The following SLA variants were observed in gnomAD, a reference collection of about 807,000 sequenced individuals.
SLA encodes the protein src-like-adapter.
A neutral mutation model predicts 30.3 loss-of-function variants in SLA; 16 were observed. That is an observed-to-expected ratio of 0.53 (90% CI 0.36 to 0.80). The LOEUF (loss-of-function observed/expected upper bound fraction) is 0.80, where lower values mean the gene tolerates loss of function less well. Ranked by LOEUF, SLA falls within the 30% of genes least tolerant of loss-of-function variation. The pLI, the probability that SLA is intolerant of heterozygous loss-of-function variation, is 0.01. For synonymous variants in SLA, 143 were observed against 137.8 expected (o/e 1.04, Z -0.26); for missense variants, 310 against 345.2 (o/e 0.90, Z 0.81).
chr8:133,066,106 G>A (rs1461626373), intron 2 of SLA, among the ~76,000 whole-genome samples: 4 of 152,122 alleles, frequency 2.6e-5, no homozygotes, highest in Admixed American at 1.3e-4. Context: ...GGCAGATCAC[G>A]AGGTGAGGAG....
chr8:133,045,387 CTTTTTTT>C (rs5895172), intron 6 of SLA, among the ~76,000 whole-genome samples: 3 of 65,898 alleles, frequency 4.6e-5, no homozygotes, highest in Admixed American at 4.5e-4. Context: ...ATCCTCTTTG[CTTTTTTT>C]TTTTTTTTTT....
At chr8:133,101,169 C>T (rs2979022) in intron 1 of SLA, among the ~76,000 whole-genome samples, 47,835 of 151,868 alleles carry the variant, frequency 0.31, 8,174 homozygotes, top group African/African-American at 0.44. Flanking sequence ...ACCTTACCCC[C>T]ACCATACGCA....
At chr8:133,083,623 A>G (rs1846064402) in intron 1 of SLA, among the ~76,000 whole-genome samples, 1 of 152,200 alleles carries the variant, frequency 6.6e-6, no homozygotes, top group Non-Finnish European at 1.5e-5. Flanking sequence ...CCAATTATCA[A>G]GTTGTCAGTG....
chr8:133,089,144 C>T (rs75152511), intron 1 of SLA, among the ~76,000 whole-genome samples: 2,617 of 152,250 alleles, frequency 0.017, 83 homozygotes, highest in African/African-American at 0.06. Flanking sequence ...TTAGACCTTA[C>T]AAGTCACCGA....
intron 3 of SLA, among the ~76,000 whole-genome samples, chr8:133,052,660 C>T (rs1389253650): frequency 6.6e-6 from 1 of 152,212 alleles, no homozygotes; most frequent in Non-Finnish European, 1.5e-5. Context: ...GTCCCAAGTT[C>T]TCACAAAGGG....
At chr8:133,046,174 G>C (rs962966745) in intron 6 of SLA, among the ~76,000 whole-genome samples, 1 of 152,210 alleles carries the variant, frequency 6.6e-6, no homozygotes, top group Non-Finnish European at 1.5e-5. Flanking sequence ...TTGCTCTGGG[G>C]TTCCAGGAGT....
Position 133,090,013 on chromosome 8 carries a change from G to A in SLA, c.-319+12540C>T, listed in dbSNP as rs370768080. On this transcript the variant is annotated intron_variant, in intron 1 of 8. Coordinates refer to ENST00000338087, the MANE Select transcript of SLA (RefSeq NM_001045556.3). The stretch of plus-strand genomic sequence containing the variant: ...GCTGATTACTGGACAGAGCTCATCT[G>A]GAGGTCACCAGTACATATGTCCTGC... The A allele has an allele frequency of 8.5e-5, 13 of 152,308 alleles. No homozygotes were observed. The East Asian group carries it at 9.7e-4, about 11-fold the overall frequency. The allele number at this position is 152,308 out of a possible 1,614,324, so 9.4% of individuals were successfully genotyped here. A position where few individuals can be genotyped will look rare whatever the true frequency, so the allele number is the denominator to read the frequency against.
intron 1 of SLA, among the ~76,000 whole-genome samples, chr8:133,083,798 A>G (rs1163016484): frequency 6.6e-6 from 1 of 152,152 alleles, no homozygotes; most frequent in African/African-American, 2.4e-5. Context: ...TCACGGACTC[A>G]CATGTGCCCT....
intron 3 of SLA, among the ~76,000 whole-genome samples, chr8:133,058,724 G>T (rs186690397): frequency 6.6e-6 from 1 of 152,366 alleles, no homozygotes; most frequent in African/African-American, 2.4e-5. Flanking sequence ...GTTGCACGCT[G>T]TTCTGAGTGT....
At chr8:133,090,680 C>G (rs186276997) in intron 1 of SLA, among the ~76,000 whole-genome samples, 13 of 152,306 alleles carry the variant, frequency 8.5e-5, no homozygotes, top group Admixed American at 7.8e-4. Context: ...TATTTTCCCT[C>G]CATTGTCTCC....
intron 1 of SLA, among the ~76,000 whole-genome samples, chr8:133,092,152 A>C (rs867248028): frequency 9.9e-5 from 15 of 152,272 alleles, no homozygotes; most frequent in Middle Eastern, 3.4e-3. Context: ...GGATCCTCTG[A>C]GAAGTGGTAC....
chr8:133,079,593 G>A (rs1480366986), intron 1 of SLA, among the ~76,000 whole-genome samples: 4 of 152,116 alleles, frequency 2.6e-5, no homozygotes, highest in South Asian at 2.1e-4. Context: ...AGCATCATGC[G>A]GCAGATGTGA....
At chr8:133,095,337 G>T in intron 1 of SLA, 1 of 1,286,276 alleles carries the variant, frequency 7.8e-7, no homozygotes, top group South Asian at 1.2e-5. Flanking sequence ...AACTGGAGCT[G>T]GAACTCACAT....
intron 5 of SLA, chr8:133,049,550 G>C: frequency 3.3e-6 from 1 of 304,150 alleles, no homozygotes; most frequent in South Asian, 3.6e-5. Flanking sequence ...CAGCCAGTAA[G>C]TGACAGAGGC....
At chr8:133,060,964 T>C (rs1246437546) in intron 2 of SLA, among the ~76,000 whole-genome samples, 1 of 152,258 alleles carries the variant, frequency 6.6e-6, no homozygotes, top group Non-Finnish European at 1.5e-5. Flanking sequence ...GCTTAAATTC[T>C]GGCTGTGTAC....
chr8:133,089,997 T>C (rs976627349), intron 1 of SLA: 2 of 152,224 alleles, frequency 1.3e-5, no homozygotes, highest in Admixed American at 1.3e-4. Context: ...TGCTGATTAC[T>C]GGACAGAGCT....
chr8:133,052,847 G>A (rs1684607650), intron 3 of SLA, among the ~76,000 whole-genome samples: 1 of 152,240 alleles, frequency 6.6e-6, no homozygotes, highest in Non-Finnish European at 1.5e-5. Flanking sequence ...CAGAAGCTGA[G>A]GCTGACTTTG....
chr8:133,095,235 G>A (rs762566178), intron 1 of SLA: 1 of 1,614,174 alleles, frequency 6.2e-7, no homozygotes, highest in African/African-American at 1.3e-5. Context: ...AAGTTGGGAA[G>A]GGACATTCTC....
chr8:133,065,951 G>A (rs920713356), intron 2 of SLA, among the ~76,000 whole-genome samples: 6 of 152,274 alleles, frequency 3.9e-5, no homozygotes, highest in South Asian at 2.1e-4. Context: ...GAGGGGTGCA[G>A]AAGTGCTGCT....
Sources: allele counts gnomAD v4.1 joint callset (sites outside exome capture counted in the v4.1 genomes callset), GRCh38; gene constraint gnomAD v4.1.1; transcripts MANE v1.5; gene names NCBI Gene and HGNC (gene_info 2026-07-23, HGNC 2026-07-21).